The following USF1 variants were observed in gnomAD, a reference collection of about 807,000 sequenced individuals.
The protein encoded by USF1 is upstream stimulatory factor 1.
USF1 carries 22 observed loss-of-function variants against 46.3 expected under a neutral mutation model. The observed-to-expected ratio is 0.47, with a 90% CI of 0.34 to 0.68. The LOEUF (loss-of-function observed/expected upper bound fraction) is 0.68. USF1 is among the 30% of genes least tolerant of loss of function. The probability of loss-of-function intolerance (pLI) is 0.01; values close to 1 mark genes in which losing one functional copy is unlikely to be tolerated. For missense variants in USF1, 287 were observed against 399.3 expected, an observed-to-expected ratio of 0.72 and a Z score of 2.40; for synonymous variants, 150 against 147.0, an observed-to-expected ratio of 1.02 and a Z score of -0.15.
intron 6 of USF1, 91 bp downstream of exon 6, chr1:161,041,560 T>C: frequency 6.6e-7 from 1 of 1,521,380 alleles, no homozygotes; most frequent in Non-Finnish European, 8.9e-7. Context: ...TAATGATCAC[T>C]AAGAGTCATG....
At chr1:161,042,398 C>T (rs1363293177) in intron 4 of USF1, among the ~76,000 whole-genome samples, 157 bp downstream of exon 4, 1 of 152,220 alleles carries the variant, frequency 6.6e-6, no homozygotes, top group Non-Finnish European at 1.5e-5. Flanking sequence ...CATCTAACCT[C>T]ACACCAGTCT....
chr1:161,041,864 A>G lies in USF1; in HGVS notation c.277-18T>C. On this transcript the variant is annotated intron_variant, in intron 5 of 10. Transcript: ENST00000368021. ...ATCACCGCCTGGGAAGGGGAGCAAGAAAACTGATTCTGGTAACAGTCAAAA... is the reference window on the plus strand; with the variant it reads ...ATCACCGCCTGGGAAGGGGAGCAAGGAAACTGATTCTGGTAACAGTCAAAA... 1 of 1,603,768 alleles carries G rather than the reference A, an allele frequency of 6.2e-7. No homozygotes were observed. The highest frequency in any genetic ancestry group is 8.5e-7 in the Non-Finnish European group (1 of 1,171,806).
In USF1 at chr1:161,040,327, T is replaced by A; in HGVS notation, c.718A>T (p.Lys240Ter). The change falls in exon 10 of 11, where the codon AAA becomes TAA. Residue 240 changes from lysine (K) to a stop codon, truncating the protein, a stop_gained. Coordinates refer to ENST00000368021, the MANE Select transcript of USF1 (RefSeq NM_007122.5). LOFTEE classifies it high-confidence loss of function. This position sits in a 1 kb window ranked among gnomAD's most constrained non-coding sequence, Gnocchi z 4.0. ...CAAGCTTTGGATAGAATCCCACCTT[T>A]ACTCTGCAAGATAAGGTCAACAAAA... ...SMESTKSGQS[K>*]GGILSKACDY... 1 of 1,614,084 alleles carries A rather than the reference T, an allele frequency of 6.2e-7. No individual in the cohort carries two copies. Among genetic ancestry groups the A allele is most frequent in the Non-Finnish European group, 8.5e-7 (1 of 1,179,994 alleles).
In USF1 at chr1:161,041,414, G is replaced by A. The variant is rs1458628623; in HGVS notation, c.473-3C>T. The A allele has an allele frequency of 6.2e-7, 1 of 1,613,398 alleles. No homozygotes were observed. The highest frequency in any genetic ancestry group is 8.5e-7 in the Non-Finnish European group (1 of 1,179,872). Reference sequence around the variant, plus strand: ...TGACATCATCACAAAGAATTGACCTGTGAAGATGCAGGGTAGGTTCTGTCA... The same window carrying A: ...TGACATCATCACAAAGAATTGACCTATGAAGATGCAGGGTAGGTTCTGTCA... On this transcript the variant is annotated splice_polypyrimidine_tract_variant and splice_region_variant and intron_variant, in intron 6 of 10. Coordinates refer to ENST00000368021, the MANE Select transcript of USF1 (RefSeq NM_007122.5).
intron 7 of USF1, 53 bp downstream of exon 7, chr1:161,041,261 CAAAAAAAAAA>C (rs1181304214): frequency 6.0e-5 from 40 of 668,620 alleles, no homozygotes; most frequent in African/African-American, 3.8e-4. Context: ...GACTCTGTCT[CAAAAAAAAAA>C]AAAAAAAAAA....
chr1:161,042,930 G>T, intron 2 of USF1, 48 bp from the exon 3 acceptor site: 1 of 1,613,450 alleles, frequency 6.2e-7, no homozygotes, highest in South Asian at 1.1e-5. Flanking sequence ...AGAAGTCAAT[G>T]AGAAGCTCAC....
intron 1 of USF1, among the ~76,000 whole-genome samples, chr1:161,043,924 C>G (rs527663121): frequency 7.0e-6 from 1 of 142,766 alleles, no homozygotes; most frequent in Non-Finnish European, 1.5e-5. Context: ...TGCACCTGGC[C>G]GAAACAACAC....
Position 161,039,653 on chromosome 1 carries a change from G to C in USF1, c.*267C>G. 2.0e-6 allele frequency: 1 copy of C among 488,568 alleles called. No homozygotes were observed. The highest frequency in any genetic ancestry group is 5.7e-4 in the Middle Eastern group (1 of 1,752). The allele number at this position is 488,568 out of a possible 1,614,324, so 30.3% of individuals were successfully genotyped here. ...TTTAGTGTGTCCAGTATCCAGCATG[G>C]AGACAGCACATGCATTGTGCGAGAG... On this transcript the variant is annotated 3_prime_UTR_variant, in exon 11 of 11. Transcript: ENST00000368021.
chr1:161,041,523 C>A, intron 6 of USF1, 112 bp from the exon 7 acceptor site: 2 of 1,473,696 alleles, frequency 1.4e-6, no homozygotes, highest in East Asian at 4.6e-5. Flanking sequence ...AGAAGAGCAG[C>A]CCCAGACTCA....
intron 5 of USF1, 37 bp from the exon 6 acceptor site, chr1:161,041,883 G>A (rs1459002341): frequency 6.3e-7 from 1 of 1,591,514 alleles, no homozygotes; most frequent in Admixed American, 1.7e-5. Context: ...TCTGGTAACA[G>A]TCAAAAACTT....
chr1:161,045,939 C>G lies in USF1; in HGVS notation c.-167G>C, dbSNP rs954294651. 6.6e-6 allele frequency: 1 copy of G among 152,298 alleles called. No individual in the cohort carries two copies. 9.4% of individuals were successfully genotyped at this position (152,298 alleles called of 1,614,324 possible). On this transcript the variant is annotated 5_prime_UTR_variant, in exon 1 of 11. It removes an upstream start codon present in the reference 5' UTR. Transcript: ENST00000368021. ...CTAGGTATCTCCATAGACAGCTGCT[C>G]ATGCGCACTTCCAGCCCGCGGCCAT...
Position 161,040,960 on chromosome 1 carries a change from G to C in USF1, c.561-88C>G. On this transcript the variant is annotated intron_variant, in intron 7 of 10. Transcript: ENST00000368021. The surrounding 1 kb of genome is among the most constrained non-coding windows in gnomAD (Gnocchi z 4.0). ...TAAGGAATTATACAAGATTTAGCAG[G>C]TATTAGGACCACTTATGGTAGCTAG... is the stretch of plus-strand genomic sequence containing the variant. The C allele has an allele frequency of 6.4e-7, 1 of 1,551,764 alleles. No homozygotes were observed. Among genetic ancestry groups the C allele is most frequent in the Non-Finnish European group, 8.8e-7 (1 of 1,134,334 alleles).
chr1:161,045,092 C>T (rs541506946), intron 1 of USF1, among the ~76,000 whole-genome samples: 1 of 152,290 alleles, frequency 6.6e-6, no homozygotes, highest in South Asian at 2.1e-4. Context: ...ATCTTCAAAC[C>T]TGAAGAGGAA....
In USF1 at chr1:161,042,562, C is replaced by T; in HGVS notation, c.167G>A (p.Gly56Glu). Residue 56 changes from glycine to glutamate, a missense_variant, in exon 4 of 11, where the codon GGG (glycine) becomes GAG (glutamate). Transcript: ENST00000368021. ...CCTGGCCCCCTCCCTTACCTGGCCC[C>T]CATTCTCAGTTCGGAAGACGTACTT... ...NVKYVFRTEN[G>E]GQVMYRVIQV... The T allele has an allele frequency of 1.2e-6, 2 of 1,614,164 alleles. No homozygotes were observed. The highest frequency in any genetic ancestry group is 1.7e-6 in the Non-Finnish European group (2 of 1,180,020).
Position 161,039,624 on chromosome 1 carries a change from A to T in USF1, c.*296T>A. On this transcript the variant is annotated 3_prime_UTR_variant, in exon 11 of 11. Coordinates refer to ENST00000368021, the MANE Select transcript of USF1 (RefSeq NM_007122.5). Reference sequence around the variant, plus strand: ...TCTAAGCAAGCACAGGACAAGCCCCAGAGTTTAGTGTGTCCAGTATCCAGC... The same window carrying T: ...TCTAAGCAAGCACAGGACAAGCCCCTGAGTTTAGTGTGTCCAGTATCCAGC... 2.6e-6 allele frequency: 1 copy of T among 382,084 alleles called. No homozygotes were observed. Among genetic ancestry groups the T allele is most frequent in the Non-Finnish European group, 4.8e-6 (1 of 206,548 alleles). 23.7% of individuals were successfully genotyped at this position (382,084 alleles called of 1,614,324 possible). A position where few individuals can be genotyped will look rare whatever the true frequency, so the allele number is the denominator to read the frequency against.
chr1:161,045,114 A>AGCTT (rs1233565149), intron 1 of USF1, among the ~76,000 whole-genome samples: 2 of 152,186 alleles, frequency 1.3e-5, no homozygotes, highest in Non-Finnish European at 2.9e-5. Context: ...TGCCCTGCGA[A>AGCTT]GCTTGCCGCG....
Position 161,042,902 on chromosome 1 carries a change from A to T in USF1, c.9-20T>A. The T allele has an allele frequency of 2.5e-6, 4 of 1,614,222 alleles. No individual in the cohort carries two copies. The highest frequency in any genetic ancestry group is 2.5e-6 in the Non-Finnish European group (3 of 1,180,028). On this transcript the variant is annotated intron_variant, in intron 2 of 10. Transcript: ENST00000368021. ...TGCTGCCTGTTTGTGGTGAAAGGAC[A>T]AAAGGAAGAGTATGAGAAGAAGTCA...
Position 161,042,176 on chromosome 1 carries a change from A to C in USF1, c.216T>G (p.Asp72Glu). Residue 72 changes from aspartate (D) to glutamate (E), a missense_variant, in exon 5 of 11, where the codon GAT becomes GAG. By Grantham distance (45) the Asp-to-Glu change is conservative. Transcript: ENST00000368021. ...TGGCGCCAGTTCCCTCAGTTTGGCC[A>C]TCCAGCTGCCCCTCAGACACCTGGA... ...RVIQVSEGQLDGQTEGTGAIS... is the reference protein window; with the variant it reads ...RVIQVSEGQLEGQTEGTGAIS... The C allele has an allele frequency of 6.2e-7, 1 of 1,614,048 alleles. No homozygotes were observed. Among genetic ancestry groups the C allele is most frequent in the Non-Finnish European group, 8.5e-7 (1 of 1,179,966 alleles).
rs1286292885 is a variant in USF1, at chr1:161,040,095, AG to A, written c.844-87del. Reference sequence around the variant, plus strand: ...GAATGTATTCAGACATCCACTGGTGAGGGGGAAAAGATGAAGCCTTCTCCAT... The same window carrying A: ...GAATGTATTCAGACATCCACTGGTGAGGGGAAAAGATGAAGCCTTCTCCAT... On this transcript the variant is annotated intron_variant, in intron 10 of 10. Transcript: ENST00000368021. The surrounding 1 kb of genome is among the most constrained non-coding windows in gnomAD (Gnocchi z 4.0). 1 of 1,610,024 alleles carries A rather than the reference AG, an allele frequency of 6.2e-7. No individual in the cohort carries two copies.
Sources: allele counts gnomAD v4.1 joint callset (sites outside exome capture counted in the v4.1 genomes callset), GRCh38; gene constraint gnomAD v4.1.1; non-coding constraint Gnocchi (gnomAD v3.1); transcripts MANE v1.5; gene names NCBI Gene and HGNC (gene_info 2026-07-23, HGNC 2026-07-21).